ACTL8: variants seen among roughly 807,000 people sequenced by gnomAD.
ACTL8 encodes the protein actin like 8, also known as actin-like protein 8.
ACTL8 carries 3 observed loss-of-function variants against 9.3 expected under a neutral mutation model. That is an observed-to-expected ratio of 0.32 (90% CI 0.15 to 0.83). The LOEUF (loss-of-function observed/expected upper bound fraction) is 0.83. Among genes scored for constraint, ACTL8 ranks in the 40% least tolerant of loss-of-function variants. ACTL8 has a pLI of 0.57. For synonymous variants in ACTL8, 224 were observed against 205.9 expected, an observed-to-expected ratio of 1.09 and a Z score of -0.75; for missense variants, 381 against 492.2, an observed-to-expected ratio of 0.77 and a Z score of 2.14.
At chr1:17,822,959 A>G (rs1570049062) in intron 1 of ACTL8, 26 bp from the exon 2 acceptor site, 1 of 1,537,254 alleles carries the variant, frequency 6.5e-7, no homozygotes, top group Non-Finnish European at 8.8e-7. Context: ...TGCCTGCACA[A>G]CTAACCCCAT....
At chr1:17,775,888 C>CT (rs2066115648) in intron 1 of ACTL8, among the ~76,000 whole-genome samples, 1 of 152,134 alleles carries the variant, frequency 6.6e-6, no homozygotes, top group African/African-American at 2.4e-5. Flanking sequence ...GCAGGGGCTT[C>CT]TTAGAGCTAG....
At chr1:17,817,491 C>T (rs893210864) in intron 1 of ACTL8, among the ~76,000 whole-genome samples, 1 of 152,104 alleles carries the variant, frequency 6.6e-6, no homozygotes, top group African/African-American at 2.4e-5. Context: ...TTCGATTCTT[C>T]CCTTCTTGAA....
intron 1 of ACTL8, among the ~76,000 whole-genome samples, chr1:17,802,753 C>T (rs138146990): frequency 4.6e-5 from 7 of 152,220 alleles, no homozygotes; most frequent in African/African-American, 1.7e-4. Context: ...GAGGCCAAGG[C>T]AGGCAGATCA....
intron 1 of ACTL8, among the ~76,000 whole-genome samples, chr1:17,777,903 G>A (rs1026297528): frequency 6.6e-6 from 1 of 152,184 alleles, no homozygotes; most frequent in African/African-American, 2.4e-5. Context: ...TCACCGTGGT[G>A]GCCAGGCTTG....
intron 1 of ACTL8, among the ~76,000 whole-genome samples, chr1:17,802,967 A>T (rs530352055): frequency 1.3e-4 from 20 of 152,276 alleles, no homozygotes; most frequent in African/African-American, 4.8e-4. Context: ...CCTGGGTGAT[A>T]GAGTGAGATT....
chr1:17,772,686 T>G (rs1431569825), intron 1 of ACTL8, among the ~76,000 whole-genome samples: 2 of 152,154 alleles, frequency 1.3e-5, no homozygotes, highest in African/African-American at 4.8e-5. Flanking sequence ...GCAGTGATGT[T>G]TAGCAGGAAT....
chr1:17,810,512 G>A (rs2066386768), intron 1 of ACTL8, among the ~76,000 whole-genome samples: 1 of 152,094 alleles, frequency 6.6e-6, no homozygotes. Flanking sequence ...TCCCCAAAAT[G>A]TTCTTTCAAA....
At chr1:17,781,397 G>A (rs1441438097) in intron 1 of ACTL8, among the ~76,000 whole-genome samples, 2 of 151,974 alleles carry the variant, frequency 1.3e-5, no homozygotes, top group Non-Finnish European at 2.9e-5. Context: ...CTGCCACCAC[G>A]CCTGCTAATT....
At chr1:17,771,081 C>T (rs2066080013) in intron 1 of ACTL8, among the ~76,000 whole-genome samples, 1 of 152,150 alleles carries the variant, frequency 6.6e-6, no homozygotes, top group Non-Finnish European at 1.5e-5. Context: ...GGGCGGCAAA[C>T]TTTTTCTGTA....
intron 1 of ACTL8, among the ~76,000 whole-genome samples, chr1:17,757,762 G>C (rs1158544489): frequency 6.6e-6 from 1 of 152,218 alleles, no homozygotes; most frequent in Non-Finnish European, 1.5e-5. Flanking sequence ...TTTAGATCCA[G>C]GAAGGCAGAA....
chr1:17,807,234 A>C (rs910055474), intron 1 of ACTL8, among the ~76,000 whole-genome samples: 1 of 152,204 alleles, frequency 6.6e-6, no homozygotes, highest in African/African-American at 2.4e-5. Flanking sequence ...TGGTCTTGTA[A>C]TCTGACATAG....
intron 1 of ACTL8, among the ~76,000 whole-genome samples, chr1:17,764,709 A>T (rs1021985476): frequency 6.6e-6 from 1 of 152,208 alleles, no homozygotes; most frequent in Admixed American, 6.5e-5. Flanking sequence ...GGGTTTTAAT[A>T]GCTGAATATT....
chr1:17,769,111 C>T (rs2066065684), intron 1 of ACTL8, among the ~76,000 whole-genome samples: 1 of 152,112 alleles, frequency 6.6e-6, no homozygotes. Context: ...GCTACGTCGC[C>T]CAGGCCTGGC....
At chr1:17,806,047 T>C (rs907359145) in intron 1 of ACTL8, among the ~76,000 whole-genome samples, 10 of 152,360 alleles carry the variant, frequency 6.6e-5, no homozygotes, top group African/African-American at 2.4e-4. Context: ...ATCATCTTCC[T>C]GCTTCCTCCT....
At chr1:17,824,190 A>T (rs1570050672) in intron 2 of ACTL8, among the ~76,000 whole-genome samples, 1 of 152,132 alleles carries the variant, frequency 6.6e-6, no homozygotes, top group Non-Finnish European at 1.5e-5. Flanking sequence ...GGCTGTGGGG[A>T]GTGCTTGGAT....
chr1:17,794,505 T>C (rs982979771), intron 1 of ACTL8, among the ~76,000 whole-genome samples: 2 of 152,188 alleles, frequency 1.3e-5, no homozygotes, highest in African/African-American at 4.8e-5. Context: ...GTCTGGAAAA[T>C]AGATGTTAAA....
intron 1 of ACTL8, among the ~76,000 whole-genome samples, chr1:17,803,279 T>C (rs1189475202): frequency 1.3e-5 from 2 of 152,182 alleles, no homozygotes; most frequent in African/African-American, 4.8e-5. Flanking sequence ...CCACCATGAT[T>C]GTAAGTTCCT....
intron 1 of ACTL8, among the ~76,000 whole-genome samples, chr1:17,798,858 G>A (rs1054732074): frequency 6.6e-6 from 1 of 152,178 alleles, no homozygotes; most frequent in African/African-American, 2.4e-5. Context: ...TGTAAAATAA[G>A]CAGGCGTTTG....
intron 1 of ACTL8, among the ~76,000 whole-genome samples, chr1:17,806,203 G>C (rs1341596335): frequency 6.6e-6 from 1 of 152,188 alleles, no homozygotes; most frequent in Non-Finnish European, 1.5e-5. Context: ...TAATTCTCCA[G>C]AGTTCAGAAC....
Sources: gnomAD v4.1 joint callset for allele counts (sites outside exome capture counted in the v4.1 genomes callset) on GRCh38, gnomAD v4.1.1 for gene constraint, MANE v1.5 for transcripts, NCBI Gene and HGNC (gene_info 2026-07-23, HGNC 2026-07-21) for gene names.